EXOSC5: variants seen among roughly 807,000 people sequenced by gnomAD.
The protein encoded by EXOSC5 is exosome component 5.
A neutral mutation model predicts 23.7 loss-of-function variants in EXOSC5; 15 were observed. That is an observed-to-expected ratio of 0.63 (90% confidence interval 0.42 to 0.97). EXOSC5 has a LOEUF of 0.97. Ranked by LOEUF, EXOSC5 falls within the 50% of genes least tolerant of loss-of-function variation. The pLI is 0.00. For synonymous variants in EXOSC5, 143 were observed against 140.9 expected, an observed-to-expected ratio of 1.02 and a Z score of -0.11; for missense variants, 305 against 316.3, an observed-to-expected ratio of 0.96 and a Z score of 0.27.
At chr19:41,395,256 G>A (rs2039053708) in intron 1 of EXOSC5, among the ~76,000 whole-genome samples, 1 of 152,144 alleles carries the variant, frequency 6.6e-6, no homozygotes, top group Non-Finnish European at 1.5e-5. Flanking sequence ...GCCCTTACAC[G>A]GAAGGTATGC....
At chr19:41,395,229 C>T (rs2039053521) in intron 1 of EXOSC5, among the ~76,000 whole-genome samples, 1 of 143,756 alleles carries the variant, frequency 7.0e-6, no homozygotes, top group African/African-American at 3.0e-5. Flanking sequence ...GGCCGTATTT[C>T]CTGGGAAGCC....
intron 2 of EXOSC5, among the ~76,000 whole-genome samples, chr19:41,392,402 T>C (rs1354888679): frequency 1.3e-5 from 2 of 151,878 alleles, no homozygotes; most frequent in Non-Finnish European, 2.9e-5. Flanking sequence ...GCCAACATGG[T>C]GAAACCCCAT....
chr19:41,395,894 T>C (rs1235576380), intron 1 of EXOSC5, among the ~76,000 whole-genome samples: 1 of 152,194 alleles, frequency 6.6e-6, no homozygotes, highest in Non-Finnish European at 1.5e-5. Context: ...TCCAGACTTG[T>C]ACAGATCTGG....
chr19:41,389,226 G>A (rs1176637445), intron 4 of EXOSC5, among the ~76,000 whole-genome samples: 2 of 152,106 alleles, frequency 1.3e-5, no homozygotes, highest in Non-Finnish European at 2.9e-5. Context: ...CATTACAGGT[G>A]TGAGCCACCA....
In EXOSC5 at chr19:41,389,912, A is replaced by G. The variant is rs1165880179; in HGVS notation, c.385-7T>C. Reference sequence around the variant, plus strand: ...TCAGACAACAGGCCAGGAGCTGAGCACCACAGGAAATGGTTAAGTTTCTTT... The same window carrying G: ...TCAGACAACAGGCCAGGAGCTGAGCGCCACAGGAAATGGTTAAGTTTCTTT... On this transcript the variant is annotated splice_polypyrimidine_tract_variant and splice_region_variant and intron_variant, in intron 3 of 5. Coordinates refer to ENST00000221233, the MANE Select transcript of EXOSC5 (RefSeq NM_020158.4). The G allele has an allele frequency of 6.4e-7, 1 of 1,574,450 alleles. No individual in the cohort carries two copies. The highest frequency in any genetic ancestry group is 1.4e-5 in the African/African-American group (1 of 71,814).
rs1228740123 is a variant in EXOSC5, at chr19:41,389,910, G to A, written c.385-5C>T. On this transcript the variant is annotated splice_polypyrimidine_tract_variant and splice_region_variant and intron_variant, in intron 3 of 5. Coordinates refer to ENST00000221233, the MANE Select transcript of EXOSC5 (RefSeq NM_020158.4). ...ATTCAGACAACAGGCCAGGAGCTGAGCACCACAGGAAATGGTTAAGTTTCT... is the reference window on the plus strand; with the variant it reads ...ATTCAGACAACAGGCCAGGAGCTGAACACCACAGGAAATGGTTAAGTTTCT... 2 of 1,583,522 alleles carry A rather than the reference G, an allele frequency of 1.3e-6. No individual in the cohort carries two copies. Among genetic ancestry groups the A allele is most frequent in the Admixed American group, 2.0e-5 (1 of 50,902 alleles).
Position 41,392,932 on chromosome 19 carries a change from A to T in EXOSC5, c.197T>A (p.Val66Asp). Residue 66 changes from valine to aspartate, a missense_variant, in exon 2 of 6, where the codon GTC becomes GAC. Physicochemically the swap from Val to Asp is radical, Grantham distance 152 (BLOSUM62 -3). Coordinates refer to ENST00000221233, the MANE Select transcript of EXOSC5 (RefSeq NM_020158.4). ...AGVYGPAEVKVSKEIFNKATL... is the reference protein window; with the variant it reads ...AGVYGPAEVKDSKEIFNKATL... Reference sequence around the variant, plus strand: ...GGCCTTGTTGAAAATCTCTTTGCTGACCTTCACCTCGGCCGGCCCGTACAC... The same window carrying T: ...GGCCTTGTTGAAAATCTCTTTGCTGTCCTTCACCTCGGCCGGCCCGTACAC... 1 of 1,613,598 alleles carries T rather than the reference A, an allele frequency of 6.2e-7. No individual in the cohort carries two copies. The highest frequency in any genetic ancestry group is 1.1e-5 in the South Asian group (1 of 91,040).
At chr19:41,393,812 C>G (rs2123225906) in intron 1 of EXOSC5, among the ~76,000 whole-genome samples, 1 of 152,068 alleles carries the variant, frequency 6.6e-6, no homozygotes, top group Non-Finnish European at 1.5e-5. Context: ...GCCCGCCTCC[C>G]AAAGCGCTGG....
chr19:41,389,879 G>T lies in EXOSC5; in HGVS notation c.411C>A (p.Ala137=). The change falls in exon 4 of 6, where the codon GCC becomes GCA. Residue 137 remains alanine (A), a synonymous_variant. Coordinates refer to ENST00000221233, the MANE Select transcript of EXOSC5 (RefSeq NM_020158.4). Reference sequence around the variant, plus strand: ...CACCTGCATCCACCAATGCCATGCAGGCGGCATTCAGACAACAGGCCAGGA... The same window carrying T: ...CACCTGCATCCACCAATGCCATGCATGCGGCATTCAGACAACAGGCCAGGA... ...GSLLACCLNA[A]CMALVDAGVP... The T allele has an allele frequency of 3.1e-6, 5 of 1,611,982 alleles. No homozygotes were observed. The highest frequency in any genetic ancestry group is 4.2e-6 in the Non-Finnish European group (5 of 1,179,232).
intron 5 of EXOSC5, among the ~76,000 whole-genome samples, 162 bp from the exon 6 acceptor site, chr19:41,386,887 G>C (rs73931470): frequency 0.031 from 4,788 of 152,272 alleles, 239 homozygotes; most frequent in African/African-American, 0.11. Context: ...CCCATTTCAT[G>C]AACTGTTTCT....
Position 41,397,355 on chromosome 19 carries a change from T to A in EXOSC5, c.-27A>T. On this transcript the variant is annotated 5_prime_UTR_variant, in exon 1 of 6. Coordinates refer to ENST00000221233, the MANE Select transcript of EXOSC5 (RefSeq NM_020158.4). ...GCGCCGAGCCCACGTGCGGCTGCAGTTGTCACTTCCGCCTGGCAGCGCGCG... is the reference window on the plus strand; with the variant it reads ...GCGCCGAGCCCACGTGCGGCTGCAGATGTCACTTCCGCCTGGCAGCGCGCG... The A allele has an allele frequency of 1.9e-6, 3 of 1,591,270 alleles. No individual in the cohort carries two copies. Among genetic ancestry groups the A allele is most frequent in the Non-Finnish European group, 2.6e-6 (3 of 1,163,616 alleles).
intron 1 of EXOSC5, among the ~76,000 whole-genome samples, chr19:41,396,223 T>A (rs1282009822): frequency 2.0e-5 from 3 of 151,948 alleles, no homozygotes; most frequent in Non-Finnish European, 4.4e-5. Context: ...ATTTTTTTTT[T>A]TTTTGAGACA....
chr19:41,392,020 A>G (rs1201700526), intron 2 of EXOSC5, 58 bp from the exon 3 acceptor site: 16 of 1,542,912 alleles, frequency 1.0e-5, no homozygotes, highest in Non-Finnish European at 1.4e-5. Flanking sequence ...ACCTTCCTCC[A>G]TACGCCTCAC....
intron 4 of EXOSC5, among the ~76,000 whole-genome samples, chr19:41,388,324 T>C (rs2038999575): frequency 1.3e-5 from 2 of 152,162 alleles, no homozygotes; most frequent in Admixed American, 1.3e-4. Flanking sequence ...TTTCCCAGAC[T>C]CCCTTACCAG....
At chr19:41,395,684 T>G (rs561103568) in intron 1 of EXOSC5, among the ~76,000 whole-genome samples, 64 of 152,292 alleles carry the variant, frequency 4.2e-4, no homozygotes, top group African/African-American at 1.5e-3. Flanking sequence ...CCCCTAACTC[T>G]CTGGGCGTTC....
At position 41,386,667 on chromosome 19, in the gene EXOSC5, C is replaced by T. The variant is rs550225229; in HGVS notation, c.674G>A (p.Arg225Gln). The change falls in exon 6 of 6, where the codon CGG becomes CAG. Residue 225 changes from arginine (R) to glutamine (Q), a missense_variant. Transcript: ENST00000221233. ...AASQHVFRFY[R>Q]ESLQRRYSKS The stretch of plus-strand genomic sequence containing the variant: ...GGAGTAACGCCTCTGCAGCGATTCC[C>T]GGTAGAAACGGAAGACGTGTTGCGA... The T allele has an allele frequency of 8.1e-6, 13 of 1,601,924 alleles. No homozygotes were observed. The highest frequency in any genetic ancestry group is 5.6e-5 in the South Asian group (5 of 88,834).
intron 5 of EXOSC5, 34 bp from the exon 6 acceptor site, chr19:41,386,759 G>C (rs79234312): frequency 1.9e-6 from 3 of 1,542,208 alleles, no homozygotes; most frequent in Non-Finnish European, 2.6e-6. Context: ...GCTGGGGGCC[G>C]AGCCCTTCAT....
At position 41,391,847 on chromosome 19, in the gene EXOSC5, G is replaced by A. The variant is rs779618144; in HGVS notation, c.378C>T (p.Ala126=). The change falls in exon 3 of 6, where the codon GCC becomes GCT. Residue 126 remains alanine, a synonymous_variant. Transcript: ENST00000221233. ...GGCCTGGCAGAAAGGATACAGAGCC[G>A]GCATCGCTGACAACCTGCAGCACCA... ...ITVVLQVVSD[A]GSLLACCLNA... 3.4e-5 allele frequency: 51 copies of A among 1,521,102 alleles called. No individual in the cohort carries two copies. Among genetic ancestry groups the A allele is most frequent in the Non-Finnish European group, 4.2e-5 (48 of 1,142,706 alleles). The allele number at this position is 1,521,102 out of a possible 1,614,324, so 94.2% of individuals were successfully genotyped here. A position where few individuals can be genotyped will look rare whatever the true frequency, so the allele number is the denominator to read the frequency against.
chr19:41,390,226 G>A (rs917071790), intron 3 of EXOSC5, among the ~76,000 whole-genome samples: 21 of 152,254 alleles, frequency 1.4e-4, no homozygotes, highest in Middle Eastern at 3.4e-3. Context: ...GAGCCACCAC[G>A]CCCAGCCTAA....
Sources: allele counts gnomAD v4.1 joint callset (sites outside exome capture counted in the v4.1 genomes callset), GRCh38; gene constraint gnomAD v4.1.1; transcripts MANE v1.5; gene names NCBI Gene and HGNC (gene_info 2026-07-23, HGNC 2026-07-21).